Variants in SULT6B1 observed in about 807,000 individuals in gnomAD.
SULT6B1 encodes the protein sulfotransferase family 6B member 1.
A neutral mutation model predicts 37.2 loss-of-function variants in SULT6B1; 44 were observed. The ratio of observed to expected loss-of-function variants is 1.18; its 90% CI spans 0.93 to 1.52. SULT6B1 has a LOEUF of 1.52. SULT6B1 is among the 40% of genes most tolerant of loss of function. The pLI, the probability that SULT6B1 is intolerant of heterozygous loss-of-function variation, is 0.00. For missense variants in SULT6B1, 450 were observed against 361.0 expected (o/e 1.25, Z -2.00); for synonymous variants, 140 against 126.0 (o/e 1.11, Z -0.74).
Position 37,171,572 on chromosome 2 carries a change from T to G in SULT6B1, c.643A>C (p.Lys215Gln). 2 of 1,612,860 alleles carry G rather than the reference T, an allele frequency of 1.2e-6. No individual in the cohort carries two copies. Among genetic ancestry groups the G allele is most frequent in the Non-Finnish European group, 1.7e-6 (2 of 1,179,672 alleles). ...DLKENLAAGI[K>Q]QIAEFLGFFL... Reference sequence around the variant, plus strand: ...AATCCCAAGAACTCAGCAATCTGTTTTATTCCAGCAGCCAGATTCTGTAAA... The same window carrying G: ...AATCCCAAGAACTCAGCAATCTGTTGTATTCCAGCAGCCAGATTCTGTAAA... The change falls in exon 6 of 7, where the codon AAA becomes CAA. Residue 215 changes from lysine to glutamine, a missense_variant. Physicochemically the swap from Lys to Gln is moderately conservative, Grantham distance 53. Transcript: ENST00000535679.
At position 37,180,136 on chromosome 2, in the gene SULT6B1, A is replaced by G. The variant is rs571457587; in HGVS notation, c.403-552T>C. Among the ~76,000 whole-genome samples, 94 of 152,362 alleles carry G rather than the reference A, an allele frequency of 6.2e-4. No homozygotes were observed. In the South Asian group the frequency reaches 0.018, roughly 29 times the overall value. ...ATCGTAAAGAACAAACTGAAACCCCAGAGAACCAAAAGATTGCAGAGGATC... is the reference window on the plus strand; with the variant it reads ...ATCGTAAAGAACAAACTGAAACCCCGGAGAACCAAAAGATTGCAGAGGATC... On this transcript the variant is annotated intron_variant, in intron 3 of 6. Coordinates refer to ENST00000535679, the MANE Select transcript of SULT6B1 (RefSeq NM_001367551.1).
chr2:37,194,551 G>A (rs904668228), intron 1 of SULT6B1: 171 of 392,414 alleles, frequency 4.4e-4, no homozygotes, highest in Non-Finnish European at 1.1e-4. Flanking sequence ...TGGTATCAAT[G>A]CACACATCTG....
At chr2:37,185,413 A>G (rs987948911) in intron 2 of SULT6B1, among the ~76,000 whole-genome samples, 4 of 152,144 alleles carry the variant, frequency 2.6e-5, no homozygotes, top group Admixed American at 2.6e-4. Flanking sequence ...ACTGATTTCC[A>G]TTTAAAATTA....
Position 37,188,531 on chromosome 2 carries a change from A to G in SULT6B1, c.110T>C (p.Ile37Thr). The G allele has an allele frequency of 6.2e-7, 1 of 1,614,164 alleles. No homozygotes were observed. The highest frequency in any genetic ancestry group is 8.5e-7 in the Non-Finnish European group (1 of 1,179,962). ...FFTYQGIPYP[I>T]TMCTSETFQA... is the part of the protein sequence containing the mutation. ...GAAAGTTTCTGAGGTGCACATGGTGATGGGGTAAGGAATCCCCTGATAGGT... is the reference window on the plus strand; with the variant it reads ...GAAAGTTTCTGAGGTGCACATGGTGGTGGGGTAAGGAATCCCCTGATAGGT... The change falls in exon 1 of 7, where the codon ATC becomes ACC. Residue 37 changes from isoleucine (I) to threonine (T), a missense_variant. Transcript: ENST00000535679.
At chr2:37,187,131 C>T (rs1208058647) in intron 2 of SULT6B1, among the ~76,000 whole-genome samples, 2 of 152,150 alleles carry the variant, frequency 1.3e-5, no homozygotes, top group South Asian at 2.1e-4. Context: ...AGTCCCTTGA[C>T]CTTGGGCAAG....
At chr2:37,192,229 A>C (rs1012885669), upstream of SULT6B1, among the ~76,000 whole-genome samples, 1 of 152,218 alleles carries the variant, frequency 6.6e-6, no homozygotes, top group South Asian at 2.1e-4. Flanking sequence ...CTATTTCTGA[A>C]ATGTAAACAT....
chr2:37,182,801 T>C (rs2148295355), intron 3 of SULT6B1, among the ~76,000 whole-genome samples: 1 of 152,302 alleles, frequency 6.6e-6, no homozygotes, highest in South Asian at 2.1e-4. Flanking sequence ...TAAAACAACA[T>C]TTTTAAACAA....
intron 6 of SULT6B1, among the ~76,000 whole-genome samples, chr2:37,168,435 C>A (rs1676227201): frequency 6.6e-6 from 1 of 152,148 alleles, no homozygotes; most frequent in South Asian, 2.1e-4. Flanking sequence ...TAGGTACAGG[C>A]GTGAGCTACT....
At chr2:37,175,385 A>C (rs1398877738) in intron 4 of SULT6B1, among the ~76,000 whole-genome samples, 159 bp from the exon 5 acceptor site, 1 of 152,206 alleles carries the variant, frequency 6.6e-6, no homozygotes, top group Non-Finnish European at 1.5e-5. Flanking sequence ...GATATAAATC[A>C]GTCCCATTGT....
chr2:37,177,514 G>C (rs374940207), intron 4 of SULT6B1, among the ~76,000 whole-genome samples: 2 of 151,924 alleles, frequency 1.3e-5, no homozygotes, highest in East Asian at 3.9e-4. Context: ...ACATAATAGA[G>C]AGTAGGATGG....
chr2:37,192,076 CT>C (rs1558454203), upstream of SULT6B1, among the ~76,000 whole-genome samples: 3 of 152,192 alleles, frequency 2.0e-5, no homozygotes, highest in African/African-American at 7.2e-5. Context: ...GGCTGGGTGC[CT>C]CCTGCAGTGT....
Position 37,172,386 on chromosome 2 carries a change from A to T in SULT6B1, c.625-796T>A, listed in dbSNP as rs560216428. 3.3e-5 allele frequency among the ~76,000 whole-genome samples: 5 copies of T among 152,354 alleles called. No individual in the cohort carries two copies. The South Asian group carries it at 1.0e-3, about 32-fold the overall frequency. On this transcript the variant is annotated intron_variant, in intron 5 of 6. Transcript: ENST00000535679. ...CCCAAACCTCAAGAAATATTTATTA[A>T]CAGCTGGGGCAACACTTGTATTCTA...
At chr2:37,168,400 C>G (rs558243565) in intron 6 of SULT6B1, among the ~76,000 whole-genome samples, 11 of 152,234 alleles carry the variant, frequency 7.2e-5, no homozygotes, top group Admixed American at 5.2e-4. Flanking sequence ...TCAGGTGATC[C>G]GCCAGCCTCG....
At chr2:37,195,614 T>C (rs1676901328) in intron 1 of SULT6B1, among the ~76,000 whole-genome samples, 1 of 152,198 alleles carries the variant, frequency 6.6e-6, no homozygotes, top group Non-Finnish European at 1.5e-5. Flanking sequence ...TTGTGGTAAA[T>C]ACCCCTAACT....
At chr2:37,183,683 G>A (rs748462136) in intron 2 of SULT6B1, among the ~76,000 whole-genome samples, 169 bp from the exon 3 acceptor site, 34 of 151,976 alleles carry the variant, frequency 2.2e-4, no homozygotes, top group East Asian at 1.9e-4. Context: ...TCACTCTGTC[G>A]CCCAGGCTGT....
chr2:37,187,195 T>A (rs1055700481), intron 2 of SULT6B1, among the ~76,000 whole-genome samples, 160 bp downstream of exon 2: 22 of 152,164 alleles, frequency 1.4e-4, no homozygotes, highest in African/African-American at 5.1e-4. Context: ...TTGCAGAAAA[T>A]GAGATGATAC....
upstream of SULT6B1, among the ~76,000 whole-genome samples, chr2:37,189,580 G>A (rs1315983127): frequency 2.6e-5 from 4 of 152,232 alleles, no homozygotes; most frequent in East Asian, 3.9e-4. Flanking sequence ...TTACCCCAGG[G>A]AAGTAAGCAT....
intron 4 of SULT6B1, among the ~76,000 whole-genome samples, chr2:37,176,232 G>C (rs1157208332): frequency 6.7e-6 from 1 of 149,932 alleles, no homozygotes; most frequent in African/African-American, 2.5e-5. Flanking sequence ...GCTAAAAACA[G>C]TGCCTGCTTC....
upstream of SULT6B1, among the ~76,000 whole-genome samples, chr2:37,193,597 AAAGAAGAAGAAGAAGAAG>A (rs70949740): frequency 3.5e-4 from 40 of 113,868 alleles, no homozygotes; most frequent in Middle Eastern, 8.5e-3. Context: ...AGAAGAAGAA[AAAGAAGAAGAAGAAGAAG>A]AAGAAGAAGA....
Sources: gnomAD v4.1 joint callset for allele counts (sites outside exome capture counted in the v4.1 genomes callset) on GRCh38, gnomAD v4.1.1 for gene constraint, MANE v1.5 for transcripts, NCBI Gene and HGNC (gene_info 2026-07-23, HGNC 2026-07-21) for gene names.